The following RAD51B variants were observed in gnomAD, a reference collection of about 807,000 sequenced individuals.
RAD51B encodes RAD51 paralog B.
Under a neutral mutation model 42.2 loss-of-function variants are expected in RAD51B, and 38 were observed. That is an observed-to-expected ratio of 0.90 (90% confidence interval 0.70 to 1.18). The LOEUF (loss-of-function observed/expected upper bound fraction) is 1.18, where lower values mean the gene tolerates loss of function less well. Among genes scored for constraint, RAD51B ranks in the 50% most tolerant of loss-of-function variants. RAD51B has a pLI of 0.00. For synonymous variants in RAD51B, 154 were observed against 145.2 expected (o/e 1.06, Z -0.43); for missense variants, 373 against 400.7 (o/e 0.93, Z 0.59).
At chr14:68,662,224 G>A (rs1489826668) in intron 11 of RAD51B, among the ~76,000 whole-genome samples, 1 of 152,162 alleles carries the variant, frequency 6.6e-6, no homozygotes, top group Non-Finnish European at 1.5e-5. Context: ...GATTCACGTC[G>A]ACTTTACAGT....
intron 7 of RAD51B, among the ~76,000 whole-genome samples, chr14:68,232,158 A>T (rs1428274340): frequency 6.6e-6 from 1 of 152,194 alleles, no homozygotes; most frequent in East Asian, 1.9e-4. Context: ...AACAAAAGAC[A>T]ACAACAGTGT....
chr14:67,947,966 A>G (rs1357852711), intron 7 of RAD51B, among the ~76,000 whole-genome samples: 1 of 152,220 alleles, frequency 6.6e-6, no homozygotes, highest in Non-Finnish European at 1.5e-5. Context: ...ATTTACAACT[A>G]TAGGAAAGAA....
At chr14:68,640,609 G>A (rs1239693863) in intron 10 of RAD51B, among the ~76,000 whole-genome samples, 1 of 152,200 alleles carries the variant, frequency 6.6e-6, no homozygotes, top group Admixed American at 6.5e-5. Context: ...TTAAAACATA[G>A]CATGATAAAT....
chr14:68,034,263 G>A (rs1003429827), intron 7 of RAD51B, among the ~76,000 whole-genome samples: 6 of 147,672 alleles, frequency 4.1e-5, no homozygotes, highest in Non-Finnish European at 7.4e-5. Context: ...AGAATCATCT[G>A]CTTTTTTTTT....
intron 10 of RAD51B, among the ~76,000 whole-genome samples, chr14:68,489,281 G>A (rs1883889679): frequency 6.6e-6 from 1 of 152,226 alleles, no homozygotes; most frequent in Non-Finnish European, 1.5e-5. Flanking sequence ...GTTATCACAT[G>A]AAGATATAGA....
intron 9 of RAD51B, among the ~76,000 whole-genome samples, chr14:68,464,262 C>G (rs371517905): frequency 1.3e-5 from 2 of 152,144 alleles, no homozygotes; most frequent in East Asian, 1.9e-4. Flanking sequence ...TTACATGATT[C>G]ACAAGTCCAA....
intron 10 of RAD51B, among the ~76,000 whole-genome samples, chr14:68,626,986 G>A (rs1043584297): frequency 6.6e-6 from 1 of 152,152 alleles, no homozygotes; most frequent in Non-Finnish European, 1.5e-5. Flanking sequence ...GTGTCTAGAA[G>A]AAGGTACTTC....
intron 7 of RAD51B, among the ~76,000 whole-genome samples, chr14:67,980,388 G>T (rs576683271): frequency 2.6e-5 from 4 of 152,306 alleles, no homozygotes; most frequent in Admixed American, 2.0e-4. Context: ...AAGTTGCAGT[G>T]AGCCAAGATC....
intron 10 of RAD51B, among the ~76,000 whole-genome samples, chr14:68,491,852 G>T (rs982820697): frequency 6.6e-6 from 1 of 152,234 alleles, no homozygotes; most frequent in Non-Finnish European, 1.5e-5. Context: ...CCAGTTTTAA[G>T]ACATAAATCA....
At chr14:68,421,084 G>T (rs1196892862) in intron 9 of RAD51B, among the ~76,000 whole-genome samples, 1 of 152,208 alleles carries the variant, frequency 6.6e-6, no homozygotes, top group African/African-American at 2.4e-5. Flanking sequence ...CCACCCTGGG[G>T]CAGGAACATG....
intron 8 of RAD51B, among the ~76,000 whole-genome samples, chr14:68,351,136 G>A (rs1474680340): frequency 6.6e-6 from 1 of 152,130 alleles, no homozygotes; most frequent in Non-Finnish European, 1.5e-5. Flanking sequence ...AAAGGTGACT[G>A]TATACATAAA....
intron 1 of RAD51B, among the ~76,000 whole-genome samples, chr14:67,820,592 A>G (rs1821374336): frequency 6.6e-6 from 1 of 152,114 alleles, no homozygotes; most frequent in African/African-American, 2.4e-5. Context: ...TGCAAGCCAT[A>G]ATAGTATTTT....
chr14:68,589,549 C>T (rs553085203), intron 10 of RAD51B, among the ~76,000 whole-genome samples: 2 of 152,336 alleles, frequency 1.3e-5, no homozygotes, highest in African/African-American at 4.8e-5. Flanking sequence ...TGCTAGAGGC[C>T]AGGCCTTGGC....
At chr14:67,935,272 T>C (rs1400003295) in intron 7 of RAD51B, among the ~76,000 whole-genome samples, 2 of 152,158 alleles carry the variant, frequency 1.3e-5, no homozygotes, top group Non-Finnish European at 2.9e-5. Flanking sequence ...TTACTTTGAG[T>C]GTAAGATATG....
At chr14:67,856,056 T>C (rs537219058) in intron 4 of RAD51B, among the ~76,000 whole-genome samples, 97 of 152,354 alleles carry the variant, frequency 6.4e-4, no homozygotes, top group African/African-American at 2.2e-3. Flanking sequence ...ATGTGGCACA[T>C]GTTCAATAAC....
At chr14:68,605,399 A>C (rs868674434) in intron 10 of RAD51B, among the ~76,000 whole-genome samples, 4 of 152,264 alleles carry the variant, frequency 2.6e-5, no homozygotes, top group African/African-American at 9.6e-5. Flanking sequence ...ACTCGAACAA[A>C]GGAGGGAATC....
At chr14:68,412,505 T>C (rs1448374358) in intron 9 of RAD51B, among the ~76,000 whole-genome samples, 1 of 152,218 alleles carries the variant, frequency 6.6e-6, no homozygotes, top group Non-Finnish European at 1.5e-5. Context: ...CTGGCTCTTT[T>C]TCAAGGAAGC....
intron 9 of RAD51B, among the ~76,000 whole-genome samples, chr14:68,452,628 T>C (rs2085584767): frequency 6.6e-6 from 1 of 152,160 alleles, no homozygotes; most frequent in African/African-American, 2.4e-5. Flanking sequence ...TTGAACTAAC[T>C]CTTTAGCCTT....
intron 7 of RAD51B, among the ~76,000 whole-genome samples, chr14:67,920,854 A>G (rs1342757778): frequency 6.6e-6 from 1 of 152,228 alleles, no homozygotes; most frequent in Non-Finnish European, 1.5e-5. Context: ...AAGGTCCTAT[A>G]GATGATATTT....
Sources: gnomAD v4.1 joint callset for allele counts (sites outside exome capture counted in the v4.1 genomes callset) on GRCh38, gnomAD v4.1.1 for gene constraint, MANE v1.5 for transcripts, NCBI Gene and HGNC (gene_info 2026-07-23, HGNC 2026-07-21) for gene names.